SGCZ: variants seen among roughly 807,000 people sequenced by gnomAD.
SGCZ encodes the protein sarcoglycan zeta.
A neutral mutation model predicts 41.3 loss-of-function variants in SGCZ; 40 were observed. The observed-to-expected ratio is 0.97, with a 90% CI of 0.75 to 1.26. The LOEUF (loss-of-function observed/expected upper bound fraction) is 1.26. Among genes scored for constraint, SGCZ ranks in the 50% most tolerant of loss-of-function variants. The pLI, the probability that SGCZ is intolerant of heterozygous loss-of-function variation, is 0.00. For synonymous variants in SGCZ, 206 were observed against 137.5 expected (o/e 1.50, Z -3.49); for missense variants, 552 against 369.8 (o/e 1.49, Z -4.04).
chr8:15,139,200 C>G (rs1381286570), intron 1 of SGCZ, among the ~76,000 whole-genome samples: 1 of 152,188 alleles, frequency 6.6e-6, no homozygotes, highest in Non-Finnish European at 1.5e-5. Context: ...CCAAATTTCC[C>G]TAATACAATT....
intron 2 of SGCZ, among the ~76,000 whole-genome samples, chr8:14,485,089 C>A (rs7812596): frequency 0.37 from 56,491 of 152,046 alleles, 11,377 homozygotes; most frequent in Middle Eastern, 0.51. Context: ...GGCACTGAGA[C>A]AGAGGCTACT....
chr8:14,238,435 G>T lies in SGCZ; in HGVS notation c.337-756C>A, dbSNP rs930900802. Reference sequence around the variant, plus strand: ...GGAAATGCTCTGTAAATCATACAAGGATTTCACAAGGAAGTATATACAATA... The same window carrying T: ...GGAAATGCTCTGTAAATCATACAAGTATTTCACAAGGAAGTATATACAATA... On this transcript the variant is annotated intron_variant, in intron 3 of 7. Transcript: ENST00000382080. Among the ~76,000 whole-genome samples, 7 of 152,240 alleles carry T rather than the reference G, an allele frequency of 4.6e-5. No homozygotes were observed. The South Asian group carries it at 1.2e-3, about 27-fold the overall frequency.
At chr8:15,063,146 A>G (rs1476459767) in intron 1 of SGCZ, among the ~76,000 whole-genome samples, 3 of 152,128 alleles carry the variant, frequency 2.0e-5, no homozygotes, top group African/African-American at 4.8e-5. Context: ...CCACGGTGCT[A>G]TGTATGATTT....
intron 1 of SGCZ, among the ~76,000 whole-genome samples, chr8:15,085,713 T>G (rs190427608): frequency 1.3e-5 from 2 of 152,294 alleles, no homozygotes; most frequent in South Asian, 4.1e-4. Context: ...CCACCAACTT[T>G]GCTACTCTTT....
chr8:15,026,936 T>G (rs1297578126), intron 1 of SGCZ, among the ~76,000 whole-genome samples: 1 of 152,202 alleles, frequency 6.6e-6, no homozygotes, highest in African/African-American at 2.4e-5. Context: ...ATTGTGCTGA[T>G]GGTTAATATG....
chr8:14,627,225 G>A (rs1427358347), intron 1 of SGCZ, among the ~76,000 whole-genome samples: 1 of 152,108 alleles, frequency 6.6e-6, no homozygotes, highest in Non-Finnish European at 1.5e-5. Flanking sequence ...GGTTGTACAC[G>A]AAGACACCAC....
In SGCZ at chr8:14,985,376, G is replaced by A. The variant is rs549912044; in HGVS notation, c.39+252209C>T. 2.0e-5 allele frequency among the ~76,000 whole-genome samples: 3 copies of A among 152,218 alleles called. 1 individual carries two copies. In the South Asian group the frequency reaches 6.2e-4, roughly 32 times the overall value. On this transcript the variant is annotated intron_variant, in intron 1 of 7. Coordinates refer to ENST00000382080, the MANE Select transcript of SGCZ (RefSeq NM_139167.4). ...ATTTTCATGCTTTCTCTGACGAAAG[G>A]AGAAAGAAAGGCATTGCTCTGTTTC...
At chr8:14,589,763 T>G (rs1356117900) in intron 1 of SGCZ, among the ~76,000 whole-genome samples, 1 of 152,192 alleles carries the variant, frequency 6.6e-6, no homozygotes, top group Non-Finnish European at 1.5e-5. Flanking sequence ...CAAACTATTC[T>G]ACTAGGGAGA....
chr8:15,157,263 TG>T (rs1227067100), intron 1 of SGCZ, among the ~76,000 whole-genome samples: 2 of 151,936 alleles, frequency 1.3e-5, no homozygotes. Context: ...CTAGGCAGGG[TG>T]GCTCATGCCT....
intron 2 of SGCZ, among the ~76,000 whole-genome samples, chr8:14,330,674 G>T (rs926508145): frequency 1.3e-5 from 2 of 151,900 alleles, no homozygotes; most frequent in African/African-American, 4.8e-5. Context: ...ACTTTGCAAT[G>T]ATCTCATGGT....
At chr8:14,186,931 A>G (rs1303368251) in intron 4 of SGCZ, among the ~76,000 whole-genome samples, 1 of 152,154 alleles carries the variant, frequency 6.6e-6, no homozygotes, top group Admixed American at 6.5e-5. Context: ...TATTCCTGGA[A>G]AAAAGTTGGG....
intron 1 of SGCZ, among the ~76,000 whole-genome samples, chr8:14,992,419 T>G (rs1802046822): frequency 6.9e-6 from 1 of 144,258 alleles, no homozygotes; most frequent in Non-Finnish European, 1.5e-5. Flanking sequence ...ACTCCAAAAC[T>G]AATGTTGGCA....
chr8:14,712,468 C>G (rs180945594), intron 1 of SGCZ, among the ~76,000 whole-genome samples: 20 of 152,302 alleles, frequency 1.3e-4, no homozygotes, highest in African/African-American at 4.1e-4. Context: ...TGAGGTTATT[C>G]AGGACTGTCA....
intron 2 of SGCZ, among the ~76,000 whole-genome samples, chr8:14,474,046 T>C (rs771046209): frequency 2.6e-5 from 4 of 151,928 alleles, no homozygotes; most frequent in East Asian, 3.9e-4. Context: ...GAGGACAAGA[T>C]TGGGGAAAGT....
intron 2 of SGCZ, among the ~76,000 whole-genome samples, chr8:14,466,814 T>G (rs570806615): frequency 2.0e-5 from 3 of 152,008 alleles, no homozygotes; most frequent in African/African-American, 7.2e-5. Flanking sequence ...CTTTTAGGTT[T>G]CTATATTTTA....
intron 2 of SGCZ, among the ~76,000 whole-genome samples, chr8:14,441,538 G>T (rs187164640): frequency 6.6e-6 from 1 of 152,262 alleles, no homozygotes; most frequent in Admixed American, 6.5e-5. Flanking sequence ...TCACGTCACT[G>T]CACTCCAGCC....
intron 3 of SGCZ, among the ~76,000 whole-genome samples, chr8:14,301,284 T>C (rs1031966976): frequency 6.6e-6 from 1 of 152,042 alleles, no homozygotes; most frequent in Non-Finnish European, 1.5e-5. Flanking sequence ...TCTCCTCTTC[T>C]TCATGGAGCT....
At position 14,721,136 on chromosome 8, in the gene SGCZ, C is replaced by T. The variant is rs573030632; in HGVS notation, c.40-166210G>A. Among the ~76,000 whole-genome samples the T allele has an allele frequency of 2.6e-5, 4 of 152,256 alleles. No homozygotes were observed. In the East Asian group the frequency reaches 5.8e-4, roughly 22 times the overall value. On this transcript the variant is annotated intron_variant, in intron 1 of 7. Coordinates refer to ENST00000382080, the MANE Select transcript of SGCZ (RefSeq NM_139167.4). ...ATATTTTCTAGTTGCCTTTGTTTCC[C>T]TAATTTCAGAATTTCTGAGTACTCG...
chr8:14,509,100 T>C (rs1228492706), intron 2 of SGCZ, among the ~76,000 whole-genome samples: 2 of 152,120 alleles, frequency 1.3e-5, no homozygotes, highest in East Asian at 3.9e-4. Flanking sequence ...TAAGGCTCTT[T>C]ATGTATTAAA....
Sources: allele counts gnomAD v4.1 joint callset (sites outside exome capture counted in the v4.1 genomes callset), GRCh38; gene constraint gnomAD v4.1.1; transcripts MANE v1.5; gene names NCBI Gene and HGNC (gene_info 2026-07-23, HGNC 2026-07-21).